Variants in PARN observed in about 807,000 individuals in gnomAD.
The protein encoded by PARN is poly(A)-specific ribonuclease.
A neutral mutation model predicts 102.8 loss-of-function variants in PARN; 71 were observed. The ratio of observed to expected loss-of-function variants is 0.69; its 90% CI spans 0.57 to 0.84. PARN has a LOEUF of 0.84. Ranked by LOEUF, PARN falls within the 40% of genes least tolerant of loss-of-function variation. The pLI, the probability that PARN is intolerant of heterozygous loss-of-function variation, is 0.00. For synonymous variants in PARN, 261 were observed against 252.9 expected, an observed-to-expected ratio of 1.03 and a Z score of -0.30; for missense variants, 782 against 760.9, an observed-to-expected ratio of 1.03 and a Z score of -0.33.
intron 5 of PARN, among the ~76,000 whole-genome samples, chr16:14,620,887 A>T (rs1317481546): frequency 6.6e-6 from 1 of 152,204 alleles, no homozygotes; most frequent in African/African-American, 2.4e-5. Context: ...TTCTATTCAT[A>T]CCATAGTGAT....
At chr16:14,562,134 G>A (rs1007284336) in intron 18 of PARN, among the ~76,000 whole-genome samples, 2 of 151,352 alleles carry the variant, frequency 1.3e-5, no homozygotes, top group Non-Finnish European at 2.9e-5. Context: ...AGACTCCATC[G>A]CAAAAAAAGA....
At chr16:14,507,053 G>A (rs1343149554) in intron 21 of PARN, among the ~76,000 whole-genome samples, 3 of 152,154 alleles carry the variant, frequency 2.0e-5, no homozygotes, top group Non-Finnish European at 4.4e-5. Flanking sequence ...TGGGCCAGGC[G>A]TGGTGGCTCA....
intron 22 of PARN, among the ~76,000 whole-genome samples, chr16:14,479,953 C>A (rs1256480106): frequency 2.7e-5 from 4 of 148,802 alleles, no homozygotes; most frequent in East Asian, 3.9e-4. Context: ...ATCACTGCAA[C>A]CTTAGGGTAG....
At chr16:14,582,361 T>C (rs906850720) in intron 16 of PARN, 70 bp from the exon 17 acceptor site, 6 of 975,846 alleles carry the variant, frequency 6.1e-6, no homozygotes, top group Admixed American at 3.4e-5. Context: ...CCAATCAAAA[T>C]TGCATTAGCA....
intron 22 of PARN, among the ~76,000 whole-genome samples, chr16:14,457,902 AGGGGTGTGTGTGTG>A (rs529387141): frequency 0.04 from 5,947 of 149,350 alleles, 210 homozygotes; most frequent in Admixed American, 0.11. Context: ...CTTGTGGAAT[AGGGGTGTGTGTGTG>A]GGGGTGTGTG....
At chr16:14,595,056 A>G (rs1003521654) in intron 12 of PARN, among the ~76,000 whole-genome samples, 1 of 152,254 alleles carries the variant, frequency 6.6e-6, no homozygotes, top group South Asian at 2.1e-4. Context: ...GGAAAAGAGC[A>G]TCTTGACTAG....
intron 18 of PARN, among the ~76,000 whole-genome samples, chr16:14,568,633 G>A (rs1968587529): frequency 6.6e-6 from 1 of 151,964 alleles, no homozygotes; most frequent in South Asian, 2.1e-4. Flanking sequence ...GCGCTGGCAG[G>A]GCACGGTGGC....
intron 3 of PARN, among the ~76,000 whole-genome samples, chr16:14,627,871 CAGTGGCTTGCGCCTGT>C (rs1463582166): frequency 1.3e-5 from 2 of 152,142 alleles, no homozygotes; most frequent in East Asian, 3.8e-4. Context: ...TGGCTGGGCA[CAGTGGCTTGCGCCTGT>C]AGTCCCAACT....
chr16:14,570,321 CAAAAAAAAAAAAAAAA>C (rs59965954), intron 18 of PARN, among the ~76,000 whole-genome samples: 7 of 63,068 alleles, frequency 1.1e-4, no homozygotes, highest in African/African-American at 1.4e-4. Flanking sequence ...GACTCTGTCT[CAAAAAAAAAAAAAAAA>C]AAAAAAAAAA....
At chr16:14,557,408 T>A (rs547495118) in intron 18 of PARN, among the ~76,000 whole-genome samples, 1 of 151,678 alleles carries the variant, frequency 6.6e-6, no homozygotes, top group East Asian at 1.9e-4. Context: ...AATACAAAAA[T>A]TCGCTGGGCA....
At chr16:14,598,032 T>C (rs1970632610) in intron 12 of PARN, among the ~76,000 whole-genome samples, 1 of 151,916 alleles carries the variant, frequency 6.6e-6, no homozygotes, top group East Asian at 1.9e-4. Flanking sequence ...TAATCCCAGC[T>C]ACTTGGGAGG....
In PARN at chr16:14,565,498, A is replaced by G. The variant is rs1367920436; in HGVS notation, c.1263-9789T>C. ...TGAAGCATATCAAATTACATCAACT[A>G]AAAACATTAAATTAAACATTATACA... On this transcript the variant is annotated intron_variant, in intron 18 of 23. Coordinates refer to ENST00000437198, the MANE Select transcript of PARN (RefSeq NM_002582.4). 2.6e-5 allele frequency among the ~76,000 whole-genome samples: 4 copies of G among 152,316 alleles called. No homozygotes were observed. The East Asian group carries it at 5.8e-4, about 22-fold the overall frequency.
intron 21 of PARN, among the ~76,000 whole-genome samples, chr16:14,532,850 CG>C (rs1009980766): frequency 3.3e-5 from 5 of 149,836 alleles, no homozygotes; most frequent in African/African-American, 9.8e-5. Context: ...GCTGGCCGGG[CG>C]GGGGGCTGAC....
At chr16:14,482,123 A>T (rs948970907) in intron 22 of PARN, among the ~76,000 whole-genome samples, 2 of 152,224 alleles carry the variant, frequency 1.3e-5, no homozygotes, top group African/African-American at 4.8e-5. Flanking sequence ...TGGGCCAGGC[A>T]CAGTGGTTCA....
At chr16:14,490,940 G>A (rs1447990200) in intron 21 of PARN, among the ~76,000 whole-genome samples, 2 of 151,930 alleles carry the variant, frequency 1.3e-5, no homozygotes, top group African/African-American at 4.8e-5. Context: ...AAAAATCAAG[G>A]AAAACAGAAA....
intron 23 of PARN, among the ~76,000 whole-genome samples, chr16:14,444,350 A>AT (rs1055197160): frequency 5.3e-4 from 79 of 148,920 alleles, no homozygotes; most frequent in African/African-American, 1.4e-3. Flanking sequence ...AAAATCTACA[A>AT]TTTTTTTTTT....
At chr16:14,479,177 AG>A (rs748945462) in intron 22 of PARN, among the ~76,000 whole-genome samples, 7 of 152,216 alleles carry the variant, frequency 4.6e-5, no homozygotes, top group Non-Finnish European at 7.3e-5. Context: ...CTAACACTTT[AG>A]GAGGCCAAGG....
chr16:14,488,794 A>C (rs1407498536), intron 21 of PARN, among the ~76,000 whole-genome samples: 2 of 152,184 alleles, frequency 1.3e-5, no homozygotes, highest in South Asian at 2.1e-4. Flanking sequence ...TAGTGTTCTC[A>C]CTTAAAGATG....
intron 21 of PARN, among the ~76,000 whole-genome samples, chr16:14,496,043 C>T (rs947628507): frequency 6.6e-6 from 1 of 152,212 alleles, no homozygotes; most frequent in African/African-American, 2.4e-5. Flanking sequence ...CCAACTAGTG[C>T]TAACAATCTG....
Sources: allele counts gnomAD v4.1 joint callset (sites outside exome capture counted in the v4.1 genomes callset), GRCh38; gene constraint gnomAD v4.1.1; transcripts MANE v1.5; gene names NCBI Gene and HGNC (gene_info 2026-07-23, HGNC 2026-07-21).